The following AP1G1 variants were observed in gnomAD, a reference collection of about 807,000 sequenced individuals.
The protein encoded by AP1G1 is AP-1 complex subunit gamma-1.
In AP1G1, 7 loss-of-function variants were observed where a neutral mutation model predicts 108.3. The observed-to-expected ratio is 0.06, with a 90% confidence interval of 0.04 to 0.12. The LOEUF (loss-of-function observed/expected upper bound fraction) is 0.12. Ranked by LOEUF, AP1G1 falls within the 10% of genes least tolerant of loss-of-function variation. AP1G1 has a pLI of 1.00. For missense variants in AP1G1, 756 were observed against 1,010.7 expected (o/e 0.75, Z 3.42); for synonymous variants, 379 against 353.5 (o/e 1.07, Z -0.81).
rs552810990 is a variant in AP1G1 at position 71,775,120 on chromosome 16, G to T, written c.202-528C>A. 2.1e-5 allele frequency among the ~76,000 whole-genome samples: 3 copies of T among 143,964 alleles called. No individual in the cohort carries two copies. The East Asian group carries it at 6.3e-4, about 30-fold the overall frequency. The allele number at this position is 143,964 out of a possible 152,430, so 94.4% of individuals were successfully genotyped here. ...CAGCTTACTGCAACCTCCACCTCCT[G>T]GGTTCAAGCGATTCTCCTGCCTCAG... On this transcript the variant is annotated intron_variant, in intron 2 of 22. Transcript: ENST00000299980.
intron 1 of AP1G1, among the ~76,000 whole-genome samples, chr16:71,796,684 C>T (rs1421447111): frequency 6.6e-6 from 1 of 152,152 alleles, no homozygotes; most frequent in Non-Finnish European, 1.5e-5. Flanking sequence ...TACCACCCCA[C>T]CCTGTCTAGG....
At chr16:71,737,858 A>G (rs948362213) in intron 21 of AP1G1, among the ~76,000 whole-genome samples, 8 of 152,250 alleles carry the variant, frequency 5.3e-5, no homozygotes, top group Non-Finnish European at 1.0e-4. Context: ...CCAACATCTG[A>G]TTTTGCAAAT....
intron 12 of AP1G1, among the ~76,000 whole-genome samples, chr16:71,754,667 G>A (rs755433881): frequency 2.6e-5 from 4 of 152,170 alleles, no homozygotes; most frequent in Non-Finnish European, 5.9e-5. Flanking sequence ...GGCACATGAT[G>A]ATTTGCAGCT....
chr16:71,768,913 G>T (rs2145479951), intron 6 of AP1G1, among the ~76,000 whole-genome samples: 1 of 57,466 alleles, frequency 1.7e-5, no homozygotes, highest in African/African-American at 8.1e-5. Context: ...GCAAGACTCT[G>T]TCTCAAAAAA....
chr16:71,803,392 A>T (rs1258426957), intron 1 of AP1G1, among the ~76,000 whole-genome samples: 4 of 152,106 alleles, frequency 2.6e-5, no homozygotes, highest in African/African-American at 9.7e-5. Context: ...CTTTTTTTTA[A>T]AGTAAAATTT....
At chr16:71,736,549 T>A (rs918943492) in intron 21 of AP1G1, among the ~76,000 whole-genome samples, 4 of 126,286 alleles carry the variant, frequency 3.2e-5, no homozygotes, top group African/African-American at 6.2e-5. Context: ...CCCGGCTAAT[T>A]TATTATTTAT....
intron 1 of AP1G1, among the ~76,000 whole-genome samples, chr16:71,793,944 C>T (rs1379737778): frequency 1.3e-5 from 2 of 152,150 alleles, no homozygotes; most frequent in African/African-American, 4.8e-5. Context: ...TCTCAAACTC[C>T]TGAGCTCAAG....
chr16:71,765,439 A>G, intron 7 of AP1G1, 50 bp downstream of exon 7: 3 of 1,347,358 alleles, frequency 2.2e-6, no homozygotes, highest in Middle Eastern at 1.9e-4. Flanking sequence ...TGTCTACTTA[A>G]AGATATTAAA....
chr16:71,772,110 G>GA (rs1032201210), intron 4 of AP1G1, among the ~76,000 whole-genome samples: 15 of 148,418 alleles, frequency 1.0e-4, no homozygotes, highest in African/African-American at 3.7e-4. Context: ...TATTTGGGAG[G>GA]AAAAAATATC....
rs773944366 is a variant in AP1G1, at chr16:71,733,053, A to C, written c.*5T>G. The C allele has an allele frequency of 2.7e-5, 43 of 1,607,844 alleles. No individual in the cohort carries two copies. The highest frequency in any genetic ancestry group is 1.6e-4 in the Middle Eastern group (1 of 6,074). On this transcript the variant is annotated 3_prime_UTR_variant, in exon 23 of 23. Coordinates refer to ENST00000299980, the MANE Select transcript of AP1G1 (RefSeq NM_001128.6). Reference sequence around the variant, plus strand: ...GGGATAAAGAATGAGAATGGTGCCAAACCCTCATTGCCAGGACTGAGGGGG... The same window carrying C: ...GGGATAAAGAATGAGAATGGTGCCACACCCTCATTGCCAGGACTGAGGGGG...
At position 71,749,929 on chromosome 16, in the gene AP1G1, CAAG is replaced by C. The variant is rs780657093; in HGVS notation, c.1459_1461del (p.Leu487del). 1.9e-6 allele frequency: 3 copies of C among 1,613,222 alleles called. No homozygotes were observed. The highest frequency in any genetic ancestry group is 2.2e-5 in the East Asian group (1 of 44,898). On this transcript the variant is annotated inframe_deletion, in exon 15 of 23. Coordinates refer to ENST00000299980, the MANE Select transcript of AP1G1 (RefSeq NM_001128.6). ...TCTTCCTCTTCACACTGGCCAGATA[CAAG>C]AAGATCACCATATTCACCTATACAC...
At chr16:71,767,769 C>G in intron 6 of AP1G1, 1 of 1,111,224 alleles carries the variant, frequency 9.0e-7, no homozygotes, top group Admixed American at 1.9e-5. Context: ...GTATTAAGCA[C>G]AGCTTCAGCA....
At chr16:71,771,084 T>G in intron 5 of AP1G1, 72 bp downstream of exon 5, 2 of 939,664 alleles carry the variant, frequency 2.1e-6, no homozygotes, top group South Asian at 1.5e-5. Flanking sequence ...GACACAGGAC[T>G]AACATAGCCT....
At chr16:71,792,694 A>T (rs571051888) in intron 1 of AP1G1, among the ~76,000 whole-genome samples, 2 of 152,256 alleles carry the variant, frequency 1.3e-5, no homozygotes, top group African/African-American at 4.8e-5. Flanking sequence ...TCTCTACTAA[A>T]GATACAAAAA....
chr16:71,807,931 C>T (rs987054516), intron 1 of AP1G1: 5 of 1,270,238 alleles, frequency 3.9e-6, no homozygotes, highest in Admixed American at 2.5e-5. Flanking sequence ...AGGGAATCCA[C>T]ATATGAGAAA....
intron 1 of AP1G1, among the ~76,000 whole-genome samples, chr16:71,800,320 G>A (rs1271993868): frequency 7.0e-6 from 1 of 143,844 alleles, no homozygotes; most frequent in Non-Finnish European, 1.5e-5. Flanking sequence ...GCAGTGAGCC[G>A]AGATCGCACC....
At position 71,756,159 on chromosome 16, in the gene AP1G1, C is replaced by T. The variant is rs2030772829; in HGVS notation, c.1089G>A (p.Arg363=). 1.2e-6 allele frequency: 2 copies of T among 1,604,544 alleles called. No individual in the cohort carries two copies. The highest frequency in any genetic ancestry group is 1.7e-6 in the Non-Finnish European group (2 of 1,177,036). Residue 363 remains arginine, a splice_region_variant and synonymous_variant, in exon 12 of 23, where the codon CGG becomes CGA. Transcript: ENST00000299980. ...CLKDLDVSIK[R]RAMELSFALV... ...GGGCAAAACTCAATTCCATTGCACG[C>T]CTTGCAGAAGGGAAAAATTAAAAAC...
In AP1G1 at chr16:71,760,303, G is replaced by C. The variant is rs552499332; in HGVS notation, c.974+1209C>G. Among the ~76,000 whole-genome samples, 131 of 151,162 alleles carry C rather than the reference G, an allele frequency of 8.7e-4. 1 individual carries two copies. The highest frequency in any genetic ancestry group is 1.8e-3 in the African/African-American group (74 of 41,192). On this transcript the variant is annotated intron_variant, in intron 10 of 22. Transcript: ENST00000299980. Reference sequence around the variant, plus strand: ...CACGCCTGTAATCCCAGCACTTCAGGAGGACAAGGTGGGCTGATTACCTAA... The same window carrying C: ...CACGCCTGTAATCCCAGCACTTCAGCAGGACAAGGTGGGCTGATTACCTAA...
At position 71,739,002 on chromosome 16, in the gene AP1G1, C is replaced by T; in HGVS notation, c.2208G>A (p.Gln736=). The part of the protein sequence containing the change: ...TNPSVTVITI[Q]ASNSTELDMT... ...TATCTAGCTCTGTGCTGTTGGAGGC[C>T]TGTATCGTTATCACTGTTACACTGG... is the stretch of plus-strand genomic sequence containing the variant. Residue 736 remains glutamine, a synonymous_variant, in exon 21 of 23, where the codon CAG becomes CAA. Transcript: ENST00000299980. The T allele has an allele frequency of 1.2e-6, 2 of 1,614,140 alleles. No individual in the cohort carries two copies. Among genetic ancestry groups the T allele is most frequent in the Non-Finnish European group, 1.7e-6 (2 of 1,180,036 alleles).
Sources: gnomAD v4.1 joint callset for allele counts (sites outside exome capture counted in the v4.1 genomes callset) on GRCh38, gnomAD v4.1.1 for gene constraint, MANE v1.5 for transcripts, NCBI Gene and HGNC (gene_info 2026-07-23, HGNC 2026-07-21) for gene names.